Variants in AXIN1 observed in about 807,000 individuals in gnomAD.
The protein encoded by AXIN1 is axin 1, also known as axin-1.
Under a neutral mutation model 76.4 loss-of-function variants are expected in AXIN1, and 30 were observed. The ratio of observed to expected loss-of-function variants is 0.39; its 90% CI spans 0.29 to 0.53. AXIN1 has a LOEUF of 0.53. Ranked by LOEUF, AXIN1 falls within the 20% of genes least tolerant of loss-of-function variation. The pLI, the probability that AXIN1 is intolerant of heterozygous loss-of-function variation, is 0.66. For missense variants in AXIN1, 1,140 were observed against 1,198.8 expected (o/e 0.95, Z 0.72); for synonymous variants, 545 against 501.4 (o/e 1.09, Z -1.16).
intron 2 of AXIN1, among the ~76,000 whole-genome samples, chr16:326,857 C>T (rs1015654895): frequency 6.6e-6 from 1 of 151,498 alleles, no homozygotes; most frequent in African/African-American, 2.4e-5. Context: ...ATTGCCAGCA[C>T]TGGCCGGGTG....
rs575975905 is a variant in AXIN1 at position 287,770 on chromosome 16, C to G, written c.*352G>C. 4 of 438,188 alleles carry G rather than the reference C, an allele frequency of 9.1e-6. No homozygotes were observed. Among genetic ancestry groups the G allele is most frequent in the Non-Finnish European group, 1.7e-5 (4 of 234,410 alleles). 27.1% of individuals were successfully genotyped at this position (438,188 alleles called of 1,614,324 possible). On this transcript the variant is annotated 3_prime_UTR_variant, in exon 11 of 11. Coordinates refer to ENST00000262320, the MANE Select transcript of AXIN1 (RefSeq NM_003502.4). ...CCCCACCCAGACCTGGGTACGTGGG[C>G]AAATCCCAGAGGGAAAGTAGATCCC...
chr16:288,380 T>A, intron 10 of AXIN1, 132 bp from the exon 11 acceptor site: 1 of 1,347,482 alleles, frequency 7.4e-7, no homozygotes, highest in South Asian at 1.2e-5. Context: ...CCCCACTGCA[T>A]GTGCGCCCCC....
chr16:321,108 T>C (rs1481593420), intron 2 of AXIN1, among the ~76,000 whole-genome samples: 2 of 152,144 alleles, frequency 1.3e-5, no homozygotes, highest in Non-Finnish European at 2.9e-5. Context: ...AAGAGGAGGC[T>C]GGAGGTAGAT....
chr16:339,033 C>A (rs1250279709), intron 2 of AXIN1, among the ~76,000 whole-genome samples: 3 of 151,536 alleles, frequency 2.0e-5, no homozygotes, highest in Non-Finnish European at 4.4e-5. Flanking sequence ...GCCACCGTGC[C>A]TGGCCAGGAA....
chr16:335,778 G>GA (rs1260801558), intron 2 of AXIN1, among the ~76,000 whole-genome samples: 2 of 152,080 alleles, frequency 1.3e-5, no homozygotes, highest in Non-Finnish European at 2.9e-5. Flanking sequence ...GTCTTCCAGA[G>GA]AAAAAATACT....
rs2141547460 is a variant in AXIN1 at position 304,444 on chromosome 16, G to A, written c.1117-3C>T. ...TCCTTCGGCACCCGGTACGTGCGCTGCGAGGGACAGGACTGTGAGGCACGG... is the reference window on the plus strand; with the variant it reads ...TCCTTCGGCACCCGGTACGTGCGCTACGAGGGACAGGACTGTGAGGCACGG... On this transcript the variant is annotated splice_polypyrimidine_tract_variant and splice_region_variant and intron_variant, in intron 4 of 10. Transcript: ENST00000262320. 2 of 1,612,700 alleles carry A rather than the reference G, an allele frequency of 1.2e-6. No homozygotes were observed. The highest frequency in any genetic ancestry group is 1.7e-6 in the Non-Finnish European group (2 of 1,179,970).
At chr16:306,790 G>T (rs1013455265) in intron 4 of AXIN1, among the ~76,000 whole-genome samples, 1 of 152,222 alleles carries the variant, frequency 6.6e-6, no homozygotes, top group Non-Finnish European at 1.5e-5. Context: ...AGTCTGGGCC[G>T]TGCACAGCGC....
chr16:350,282 A>T (rs2054115809), intron 1 of AXIN1, among the ~76,000 whole-genome samples: 3 of 152,202 alleles, frequency 2.0e-5, no homozygotes, highest in Admixed American at 1.3e-4. Flanking sequence ...CCCACAGGGA[A>T]GCACACCAAG....
At chr16:298,310 C>T in intron 5 of AXIN1, 59 bp from the exon 6 acceptor site, 2 of 1,535,340 alleles carry the variant, frequency 1.3e-6, no homozygotes, top group Non-Finnish European at 1.7e-6. Flanking sequence ...TTGGGGAAAA[C>T]AAAAAGCATC....
intron 2 of AXIN1, among the ~76,000 whole-genome samples, chr16:325,513 A>T (rs945246899): frequency 1.3e-5 from 2 of 152,242 alleles, no homozygotes; most frequent in East Asian, 3.9e-4. Flanking sequence ...CGAGGCCAAC[A>T]GCCAGGCCAC....
At chr16:297,295 G>T in intron 6 of AXIN1, 69 bp from the exon 7 acceptor site, 1 of 1,587,440 alleles carries the variant, frequency 6.3e-7, no homozygotes, top group Admixed American at 1.7e-5. Context: ...CCTCGTCTGC[G>T]AGGCCCCCTC....
Position 297,235 on chromosome 16 carries a change from G to A in AXIN1, c.1785-9C>T, listed in dbSNP as rs1345782753. 1.9e-6 allele frequency: 3 copies of A among 1,604,050 alleles called. No individual in the cohort carries two copies. Among genetic ancestry groups the A allele is most frequent in the African/African-American group, 2.7e-5 (2 of 74,912 alleles). On this transcript the variant is annotated splice_polypyrimidine_tract_variant and intron_variant, in intron 6 of 10. Coordinates refer to ENST00000262320, the MANE Select transcript of AXIN1 (RefSeq NM_003502.4). ...CCACGCCCACCTTCCCACTGCAAGG[G>A]CAAGAGCTGCGAGTCGCCCTGGCCT...
At chr16:325,167 G>T (rs1047562946) in intron 2 of AXIN1, among the ~76,000 whole-genome samples, 3 of 152,152 alleles carry the variant, frequency 2.0e-5, no homozygotes, top group African/African-American at 7.2e-5. Flanking sequence ...CCGCACCCCA[G>T]GAAACCATCG....
intron 10 of AXIN1, 126 bp downstream of exon 10, chr16:289,314 C>T: frequency 7.8e-7 from 1 of 1,285,944 alleles, no homozygotes; most frequent in Non-Finnish European, 1.1e-6. Flanking sequence ...AATCCGCCCA[C>T]CTCAGCCTCC....
intron 5 of AXIN1, 94 bp downstream of exon 5, chr16:304,210 C>T (rs2052953130): frequency 6.3e-7 from 1 of 1,590,662 alleles, no homozygotes; most frequent in African/African-American, 1.3e-5. Context: ...CTCGGCCAGC[C>T]CCGGGCATCC....
rs1180323444 is a variant in AXIN1, at chr16:347,028, T to C, written c.-3A>G. ...AAACCCTGCTCTTGGATATTCATTT[T>C]GGGACTCTGCGTCAAGGAACAATGA... On this transcript the variant is annotated 5_prime_UTR_variant, in exon 2 of 11. Transcript: ENST00000262320. 3 of 1,614,022 alleles carry C rather than the reference T, an allele frequency of 1.9e-6. No individual in the cohort carries two copies. The highest frequency in any genetic ancestry group is 2.5e-6 in the Non-Finnish European group (3 of 1,180,060).
chr16:293,474 C>T lies in AXIN1; in HGVS notation c.2186+14G>A, dbSNP rs780610694. Reference sequence around the variant, plus strand: ...AACCCCCAAGACCCACCCCACCCCACGACGCGGCCGTACCTCTGCTTGGAG... The same window carrying T: ...AACCCCCAAGACCCACCCCACCCCATGACGCGGCCGTACCTCTGCTTGGAG... On this transcript the variant is annotated intron_variant, in intron 8 of 10. Transcript: ENST00000262320. This position sits in a 1 kb window ranked among gnomAD's most constrained non-coding sequence, Gnocchi z 4.6. 16 of 1,606,796 alleles carry T rather than the reference C, an allele frequency of 1.0e-5. No homozygotes were observed. The African/African-American group carries it at 1.7e-4, about 17-fold the overall frequency.
intron 2 of AXIN1, among the ~76,000 whole-genome samples, chr16:337,283 C>T (rs2141673277): frequency 6.6e-6 from 1 of 150,450 alleles, no homozygotes; most frequent in East Asian, 1.9e-4. Flanking sequence ...TATAAACATG[C>T]TGTTATAGGA....
intron 2 of AXIN1, among the ~76,000 whole-genome samples, chr16:340,074 T>C (rs936959018): frequency 1.1e-4 from 17 of 152,022 alleles, no homozygotes; most frequent in African/African-American, 4.1e-4. Context: ...ATTTCTTCTC[T>C]TAACCTTTTA....
Sources: allele counts gnomAD v4.1 joint callset (sites outside exome capture counted in the v4.1 genomes callset), GRCh38; gene constraint gnomAD v4.1.1; non-coding constraint Gnocchi (gnomAD v3.1); transcripts MANE v1.5; gene names NCBI Gene and HGNC (gene_info 2026-07-23, HGNC 2026-07-21).